GARNL3: variants seen among roughly 807,000 people sequenced by gnomAD.
The protein encoded by GARNL3 is GTPase-activating Rap/Ran-GAP domain-like protein 3.
A neutral mutation model predicts 125.0 loss-of-function variants in GARNL3; 63 were observed. The ratio of observed to expected loss-of-function variants is 0.50; its 90% CI spans 0.41 to 0.62. GARNL3 has a LOEUF of 0.62. GARNL3 is among the 20% of genes least tolerant of loss of function. GARNL3 has a pLI of 0.00. For synonymous variants in GARNL3, 439 were observed against 457.5 expected (o/e 0.96, Z 0.52); for missense variants, 994 against 1,244.0 (o/e 0.80, Z 3.02).
At chr9:127,233,278 C>T (rs985763009) in intron 1 of GARNL3, among the ~76,000 whole-genome samples, 7 of 152,184 alleles carry the variant, frequency 4.6e-5, no homozygotes, top group African/African-American at 1.7e-4. Flanking sequence ...CATTGGCTCT[C>T]TTGGGTTCCA....
intron 2 of GARNL3, among the ~76,000 whole-genome samples, chr9:127,306,998 A>G (rs1317447875): frequency 4.6e-5 from 7 of 152,200 alleles, no homozygotes; most frequent in Non-Finnish European, 1.0e-4. Context: ...CAGTATTTTA[A>G]GATATCAGCA....
intron 22 of GARNL3, among the ~76,000 whole-genome samples, chr9:127,368,302 C>A (rs975314405): frequency 6.7e-6 from 1 of 148,862 alleles, no homozygotes; most frequent in Non-Finnish European, 1.5e-5. Flanking sequence ...AGTGGAGATG[C>A]TGAGAAGGTC....
Position 127,242,278 on chromosome 9 carries a change from TTTTCCA to T in GARNL3, c.-28-794_-28-789del, listed in dbSNP as rs551452919. On this transcript the variant is annotated intron_variant, in intron 1 of 10. Transcript: ENST00000439286. The surrounding 1 kb of genome is among the most constrained non-coding windows in gnomAD (Gnocchi z 4.6). Reference sequence around the variant, plus strand: ...AGTGTTACATAAAATTGCTTTTTATTTTTCCATTTCCAAGTAATTGGATTTTGCTGG... The same window carrying T: ...AGTGTTACATAAAATTGCTTTTTATTTTTCCAAGTAATTGGATTTTGCTGG... Among the ~76,000 whole-genome samples the T allele has an allele frequency of 6.6e-6, 1 of 152,226 alleles. No homozygotes were observed. The highest frequency in any genetic ancestry group is 1.5e-5 in the Non-Finnish European group (1 of 68,042).
Position 127,301,875 on chromosome 9 carries a change from G to T in GARNL3, c.220-9761G>T, listed in dbSNP as rs79703457. The stretch of plus-strand genomic sequence containing the variant: ...CAATTAGTAGATGGTGCAGCAGAGG[G>T]GACAATCTTTCAGCTTTTTACAAAT... On this transcript the variant is annotated intron_variant, in intron 2 of 27. Transcript: ENST00000373387. 5.3e-3 allele frequency among the ~76,000 whole-genome samples: 801 copies of T among 150,570 alleles called. 23 individuals are homozygous for T. In the East Asian group the frequency reaches 0.081, roughly 15 times the overall value.
In GARNL3 at chr9:127,280,628, G is replaced by A. The variant is rs539017783; in HGVS notation, c.145-10540G>A. Among the ~76,000 whole-genome samples the A allele has an allele frequency of 3.3e-5, 5 of 152,310 alleles. No homozygotes were observed. Among genetic ancestry groups the A allele is most frequent in the East Asian group, 1.9e-4 (1 of 5,192 alleles). ...TAGAAAATGTCTTGATATTTTGGAC[G>A]TAGAATTGCCAATCATTCCTTCTTA... On this transcript the variant is annotated intron_variant, in intron 1 of 27. Coordinates refer to ENST00000373387, the MANE Select transcript of GARNL3 (RefSeq NM_032293.5). The surrounding 1 kb of genome is among the most constrained non-coding windows in gnomAD (Gnocchi z 4.5).
chr9:127,379,889 A>C (rs552955263), intron 22 of GARNL3, among the ~76,000 whole-genome samples: 1 of 152,188 alleles, frequency 6.6e-6, no homozygotes, highest in Admixed American at 6.5e-5. Flanking sequence ...CCAAAATGCT[A>C]TCAGTACTGG....
chr9:127,252,144 C>T (rs756642883), intron 2 of GARNL3, among the ~76,000 whole-genome samples: 1 of 152,112 alleles, frequency 6.6e-6, no homozygotes, highest in Non-Finnish European at 1.5e-5. Context: ...TATTTGTTTT[C>T]TGTGGAACCT....
intron 17 of GARNL3, among the ~76,000 whole-genome samples, chr9:127,349,865 C>T (rs1029725359): frequency 3.3e-5 from 5 of 152,202 alleles, no homozygotes; most frequent in African/African-American, 1.2e-4. Flanking sequence ...ACCGTAGTGA[C>T]ATTTTGTGAG....
intron 2 of GARNL3, among the ~76,000 whole-genome samples, chr9:127,245,854 C>T (rs1407772744): frequency 1.3e-5 from 2 of 152,258 alleles, no homozygotes; most frequent in African/African-American, 2.4e-5. Flanking sequence ...GATTGGACTT[C>T]GGTCTGTCTG....
intron 15 of GARNL3, 138 bp downstream of exon 15, chr9:127,344,477 C>G (rs1441543994): frequency 3.0e-6 from 2 of 661,784 alleles, no homozygotes; most frequent in Admixed American, 2.7e-5. Context: ...TTGTGGCAAC[C>G]ACGAGTGAGA....
intron 20 of GARNL3, among the ~76,000 whole-genome samples, chr9:127,356,949 A>G (rs577004243): frequency 6.6e-6 from 1 of 152,362 alleles, no homozygotes; most frequent in Non-Finnish European, 1.5e-5. Context: ...AAAGCAGACC[A>G]TACTGTTGAT....
chr9:127,310,614 A>C (rs981263065), intron 2 of GARNL3, among the ~76,000 whole-genome samples: 6 of 152,024 alleles, frequency 3.9e-5, no homozygotes, highest in African/African-American at 7.3e-5. Context: ...TCTCTACTAA[A>C]AATACAAAAA....
At chr9:127,365,408 A>G in intron 22 of GARNL3, 42 bp downstream of exon 22, 2 of 1,440,258 alleles carry the variant, frequency 1.4e-6, no homozygotes, top group Admixed American at 1.9e-5. Flanking sequence ...GCTTAAATGG[A>G]CTGCTTTTTT....
rs905355433 is a variant in GARNL3 at position 127,385,952 on chromosome 9, G to A, written c.2388+807G>A. Among the ~76,000 whole-genome samples the A allele has an allele frequency of 2.6e-5, 4 of 152,212 alleles. No individual in the cohort carries two copies. On this transcript the variant is annotated intron_variant, in intron 24 of 27. Coordinates refer to ENST00000373387, the MANE Select transcript of GARNL3 (RefSeq NM_032293.5). This position sits in a 1 kb window ranked among gnomAD's most constrained non-coding sequence, Gnocchi z 4.1. ...TGTGCACATATGTGCATATATGTAT[G>A]ATATGTGTACATATCTGCATGTATG...
At chr9:127,388,859 C>T (rs1409167668) in intron 25 of GARNL3, 45 bp from the exon 26 acceptor site, 3 of 1,113,720 alleles carry the variant, frequency 2.7e-6, no homozygotes, top group Non-Finnish European at 4.1e-6. Flanking sequence ...AAATAATGTG[C>T]ACTTTTCTTA....
intron 16 of GARNL3, among the ~76,000 whole-genome samples, chr9:127,348,719 CTT>C (rs746670565): frequency 1.3e-5 from 2 of 152,224 alleles, no homozygotes; most frequent in Non-Finnish European, 2.9e-5. Flanking sequence ...TGAATTCACT[CTT>C]TTCCTATTGC....
At chr9:127,307,188 T>C (rs1203936587) in intron 2 of GARNL3, among the ~76,000 whole-genome samples, 1 of 152,242 alleles carries the variant, frequency 6.6e-6, no homozygotes, top group Non-Finnish European at 1.5e-5. Context: ...TATGCCCCGC[T>C]CTCTGTGCTG....
At chr9:127,370,934 G>A (rs1250637440) in intron 22 of GARNL3, among the ~76,000 whole-genome samples, 1 of 152,092 alleles carries the variant, frequency 6.6e-6, no homozygotes, top group Non-Finnish European at 1.5e-5. Flanking sequence ...ACTCCTTACT[G>A]TACAGCCCAC....
At chr9:127,293,555 C>T (rs982824664) in intron 2 of GARNL3, among the ~76,000 whole-genome samples, 2 of 151,934 alleles carry the variant, frequency 1.3e-5, no homozygotes, top group African/African-American at 4.8e-5. Context: ...GTTGCTTGGT[C>T]ACTTTTTATA....
Sources: allele counts gnomAD v4.1 joint callset (sites outside exome capture counted in the v4.1 genomes callset), GRCh38; gene constraint gnomAD v4.1.1; non-coding constraint Gnocchi (gnomAD v3.1); transcripts MANE v1.5; gene names NCBI Gene and HGNC (gene_info 2026-07-23, HGNC 2026-07-21).